The following NLGN4Y variants were observed in gnomAD, a reference collection of about 807,000 sequenced individuals.
NLGN4Y encodes neuroligin 4 Y-linked.
A neutral mutation model predicts 8.4 loss-of-function variants in NLGN4Y; 4 were observed. The observed-to-expected ratio is 0.48, with a 90% CI of 0.23 to 1.09. The LOEUF (loss-of-function observed/expected upper bound fraction) is 1.09, where lower values mean the gene tolerates loss of function less well. Among genes scored for constraint, NLGN4Y ranks in the 50% least tolerant of loss-of-function variants. The pLI, the probability that NLGN4Y is intolerant of heterozygous loss-of-function variation, is 0.19. For missense variants in NLGN4Y, 90 were observed against 192.3 expected, an observed-to-expected ratio of 0.47 and a Z score of 3.15; for synonymous variants, 35 against 75.6, an observed-to-expected ratio of 0.46 and a Z score of 2.78.
At chrY:14,529,728 C>G (rs930606492) in intron 1 of NLGN4Y, among the ~76,000 whole-genome samples, 7 of 32,455 alleles carry the variant, frequency 2.2e-4, no homozygotes, top group Non-Finnish European at 4.5e-4. Context: ...CGTGTTTTCA[C>G]AAACAAATTT....
intron 1 of NLGN4Y, among the ~76,000 whole-genome samples, chrY:14,562,762 A>T (rs879119726): frequency 3.0e-5 from 1 of 33,367 alleles, no homozygotes; most frequent in Non-Finnish European, 7.4e-5. Context: ...GGTCCTTCAC[A>T]TCCCTTGGAA....
chrY:14,815,637 T>C (rs2043099114), intron 4 of NLGN4Y, among the ~76,000 whole-genome samples: 4 of 33,196 alleles, frequency 1.2e-4, no homozygotes, highest in Admixed American at 1.1e-3. Context: ...AAGATGGTAT[T>C]CGTGGTTACA....
intron 4 of NLGN4Y, among the ~76,000 whole-genome samples, chrY:14,744,133 T>TA (rs2081017376): frequency 5.9e-5 from 2 of 33,743 alleles, no homozygotes; most frequent in Non-Finnish European, 1.5e-4. Context: ...GACAAAGGGC[T>TA]ACAGGTTTCA....
intron 6 of NLGN4Y, among the ~76,000 whole-genome samples, chrY:14,831,151 C>T: frequency 3.0e-5 from 1 of 33,079 alleles, no homozygotes; most frequent in Non-Finnish European, 7.4e-5. Context: ...ATCCTCACAT[C>T]TCAGCATCTC....
rs374970479 is a variant in NLGN4Y, at chrY:14,689,472, G to C, written c.473-29987G>C. Among the ~76,000 whole-genome samples the C allele has an allele frequency of 2.1e-3, 70 of 32,873 alleles. No homozygotes were observed. The East Asian group carries it at 0.056, about 26-fold the overall frequency. 88.2% of individuals were successfully genotyped at this position (32,873 alleles called of 37,273 possible). A position where few individuals can be genotyped will look rare whatever the true frequency, so the allele number is the denominator to read the frequency against. On this transcript the variant is annotated intron_variant, in intron 2 of 6. Transcript: ENST00000684976. The stretch of plus-strand genomic sequence containing the variant: ...AGAGGAAAGCAATTCTGATGATGTA[G>C]CAAGAGAGGAGTATTTTGTTGTTGG...
chrY:14,678,817 A>C, intron 2 of NLGN4Y, among the ~76,000 whole-genome samples: 1 of 33,373 alleles, frequency 3.0e-5, no homozygotes, highest in Admixed American at 2.8e-4. Flanking sequence ...TGCGTTTATA[A>C]CAAAAAAGAG....
At chrY:14,838,764 C>A in intron 6 of NLGN4Y, among the ~76,000 whole-genome samples, 1 of 32,909 alleles carries the variant, frequency 3.0e-5, no homozygotes, top group South Asian at 6.9e-4. Flanking sequence ...TGTCTCCAAG[C>A]CTGATATTCT....
At chrY:14,688,863 G>A in intron 2 of NLGN4Y, among the ~76,000 whole-genome samples, 1 of 28,477 alleles carries the variant, frequency 3.5e-5, no homozygotes, top group Non-Finnish European at 8.2e-5. Context: ...TAATATATAT[G>A]ATAGGAGGTA....
At chrY:14,539,328 G>A in intron 1 of NLGN4Y, among the ~76,000 whole-genome samples, 1 of 32,938 alleles carries the variant, frequency 3.0e-5, no homozygotes, top group African/African-American at 1.2e-4. Context: ...GGATGTTTTG[G>A]ATATGCTTTA....
intron 4 of NLGN4Y, among the ~76,000 whole-genome samples, chrY:14,745,725 CTT>C (rs2081022280): frequency 3.0e-5 from 1 of 33,169 alleles, no homozygotes; most frequent in Non-Finnish European, 7.4e-5. Flanking sequence ...CTCTAAGTGA[CTT>C]GTATAAAATG....
chrY:14,598,537 T>C, intron 1 of NLGN4Y, among the ~76,000 whole-genome samples: 1 of 32,031 alleles, frequency 3.1e-5, no homozygotes, highest in Admixed American at 2.7e-4. Context: ...CCAGCTGGCC[T>C]GCAAGCACAG....
chrY:14,639,545 A>G, intron 2 of NLGN4Y: 1 of 249,698 alleles, frequency 4.0e-6, no homozygotes, highest in South Asian at 3.3e-5. Flanking sequence ...TTCCCATTGG[A>G]TTTATCCCAC....
At chrY:14,575,793 G>GTT (rs2080296061) in intron 1 of NLGN4Y, among the ~76,000 whole-genome samples, 3 of 33,435 alleles carry the variant, frequency 9.0e-5, no homozygotes, top group Non-Finnish European at 7.4e-5. Context: ...CTGTTTGTTA[G>GTT]TTTTCCTTCT....
intron 5 of NLGN4Y, among the ~76,000 whole-genome samples, chrY:14,829,510 T>C (rs2043162945): frequency 3.2e-5 from 1 of 31,020 alleles, no homozygotes; most frequent in Non-Finnish European, 7.9e-5. Flanking sequence ...CTTAAACTCG[T>C]GTGTGTGTGT....
chrY:14,719,376 T>C, intron 2 of NLGN4Y, 83 bp from the exon 3 acceptor site: 1 of 137,723 alleles, frequency 7.3e-6, no homozygotes, highest in Non-Finnish European at 1.3e-5. Flanking sequence ...AGGTAGCATC[T>C]TTCTCTTTTC....
rs756502868 is a variant in NLGN4Y, at chrY:14,529,927, GTA to G, written c.-112+5221_-112+5222del. On this transcript the variant is annotated intron_variant, in intron 1 of 6. Coordinates refer to ENST00000684976, the MANE Select transcript of NLGN4Y (RefSeq NM_001365588.1). ...ATTCTAACACACTAGATAAAAGCAA[GTA>G]TGTGTGTGTGTGTATATATATACAC... is the stretch of plus-strand genomic sequence containing the variant. Among the ~76,000 whole-genome samples the G allele has an allele frequency of 6.2e-4, 16 of 25,797 alleles. No homozygotes were observed. The South Asian group carries it at 0.015, about 25-fold the overall frequency. The allele number at this position is 25,797 out of a possible 37,273, so 69.2% of individuals were successfully genotyped here. A position where few individuals can be genotyped will look rare whatever the true frequency, so the allele number is the denominator to read the frequency against.
chrY:14,713,674 T>A, intron 2 of NLGN4Y, among the ~76,000 whole-genome samples: 1 of 33,855 alleles, frequency 3.0e-5, no homozygotes, highest in Non-Finnish European at 7.3e-5. Flanking sequence ...CTGGAATTAC[T>A]GAGCTCCACC....
intron 4 of NLGN4Y, among the ~76,000 whole-genome samples, chrY:14,723,975 T>G (rs752683040): frequency 5.9e-5 from 2 of 33,690 alleles, no homozygotes; most frequent in African/African-American, 2.3e-4. Flanking sequence ...TTAGATGACC[T>G]TTCCTGCTTT....
chrY:14,556,310 C>A (rs2150473359), intron 1 of NLGN4Y, among the ~76,000 whole-genome samples: 1 of 33,414 alleles, frequency 3.0e-5, no homozygotes, highest in Admixed American at 2.7e-4. Context: ...TTCAGACTTA[C>A]CTATTAGGTT....
Sources: allele counts gnomAD v4.1 joint callset (sites outside exome capture counted in the v4.1 genomes callset), GRCh38; gene constraint gnomAD v4.1.1; transcripts MANE v1.5; gene names NCBI Gene and HGNC (gene_info 2026-07-23, HGNC 2026-07-21).